ANKRD44: variants seen among roughly 807,000 people sequenced by gnomAD.
The protein encoded by ANKRD44 is ankyrin repeat domain 44.
Under a neutral mutation model 116.0 loss-of-function variants are expected in ANKRD44, and 35 were observed. The ratio of observed to expected loss-of-function variants is 0.30; its 90% CI spans 0.23 to 0.40. The LOEUF is 0.40. Ranked by LOEUF, ANKRD44 falls within the 10% of genes least tolerant of loss-of-function variation. The probability of loss-of-function intolerance (pLI) is 1.00; values close to 1 mark genes in which losing one functional copy is unlikely to be tolerated. For missense variants in ANKRD44, 1,014 were observed against 1,242.6 expected (o/e 0.82, Z 2.77); for synonymous variants, 435 against 461.8 (o/e 0.94, Z 0.74).
At chr2:197,120,339 C>T (rs1314079212) in intron 8 of ANKRD44, among the ~76,000 whole-genome samples, 1 of 152,138 alleles carries the variant, frequency 6.6e-6, no homozygotes, top group Non-Finnish European at 1.5e-5. Flanking sequence ...ACTGAAGCCA[C>T]TATCTGGGGT....
chr2:197,236,776 G>A (rs1300308569), intron 1 of ANKRD44, among the ~76,000 whole-genome samples: 2 of 151,728 alleles, frequency 1.3e-5, no homozygotes, highest in African/African-American at 2.4e-5. Flanking sequence ...AAATTTGACA[G>A]TAGCTACTGA....
intron 1 of ANKRD44, among the ~76,000 whole-genome samples, chr2:197,245,270 A>T (rs1399848841): frequency 1.3e-5 from 2 of 152,188 alleles, no homozygotes; most frequent in African/African-American, 2.4e-5. Flanking sequence ...AATAATAATA[A>T]TAATACAAAT....
chr2:197,101,389 C>T (rs1196687643), intron 9 of ANKRD44, among the ~76,000 whole-genome samples: 3 of 152,144 alleles, frequency 2.0e-5, no homozygotes, highest in South Asian at 2.1e-4. Context: ...GCGTGCTTCC[C>T]GCTCCATTTT....
At chr2:197,023,312 A>G (rs546017610) in intron 17 of ANKRD44, among the ~76,000 whole-genome samples, 114 of 152,328 alleles carry the variant, frequency 7.5e-4, no homozygotes, top group Middle Eastern at 3.4e-3. Context: ...CAATAAATTA[A>G]CAAGTTGGAA....
intron 21 of ANKRD44, among the ~76,000 whole-genome samples, chr2:197,005,112 A>C (rs781782095): frequency 6.6e-6 from 1 of 152,194 alleles, no homozygotes; most frequent in African/African-American, 2.4e-5. Flanking sequence ...ACAAAATTAC[A>C]TTAGAAAGTA....
chr2:197,227,565 A>C (rs1282305350), intron 1 of ANKRD44, among the ~76,000 whole-genome samples: 1 of 151,548 alleles, frequency 6.6e-6, no homozygotes, highest in Non-Finnish European at 1.5e-5. Flanking sequence ...ATTCTACTAA[A>C]CTATTTTAAA....
intron 25 of ANKRD44, among the ~76,000 whole-genome samples, chr2:196,997,814 A>C (rs1251818923): frequency 6.6e-6 from 1 of 151,922 alleles, no homozygotes; most frequent in Non-Finnish European, 1.5e-5. Context: ...ATTTGAAAAA[A>C]AAAATCACAT....
intron 4 of ANKRD44, among the ~76,000 whole-genome samples, chr2:197,131,848 G>T (rs2079104347): frequency 1.3e-5 from 2 of 152,156 alleles, no homozygotes; most frequent in African/African-American, 4.8e-5. Context: ...CCATAAACGT[G>T]CGTTAGACTT....
intron 17 of ANKRD44, chr2:197,015,615 T>C: frequency 1.8e-6 from 1 of 546,452 alleles, no homozygotes; most frequent in South Asian, 2.1e-5. Flanking sequence ...GAAACTTTGG[T>C]GGAAGAAGAG....
intron 2 of ANKRD44, among the ~76,000 whole-genome samples, chr2:197,152,276 C>T (rs1015215818): frequency 3.3e-5 from 5 of 152,328 alleles, no homozygotes; most frequent in Non-Finnish European, 1.5e-5. Flanking sequence ...TTATAACACC[C>T]ATGAATATAA....
intron 2 of ANKRD44, among the ~76,000 whole-genome samples, chr2:197,177,547 A>G (rs1218460523): frequency 6.6e-6 from 1 of 152,092 alleles, no homozygotes; most frequent in Non-Finnish European, 1.5e-5. Flanking sequence ...TTTATAGTAA[A>G]GCAATTTGGG....
At chr2:197,034,015 G>C (rs1203943681) in intron 16 of ANKRD44, among the ~76,000 whole-genome samples, 1 of 141,796 alleles carries the variant, frequency 7.1e-6, no homozygotes, top group African/African-American at 2.6e-5. Context: ...AGATACTCTA[G>C]TCTCATAAAT....
At chr2:197,125,018 G>A (rs1416918977) in intron 6 of ANKRD44, among the ~76,000 whole-genome samples, 1 of 152,140 alleles carries the variant, frequency 6.6e-6, no homozygotes, top group African/African-American at 2.4e-5. Context: ...AAGACGAATG[G>A]AATTTGTGTC....
chr2:197,147,706 C>A (rs2079540708), intron 2 of ANKRD44, among the ~76,000 whole-genome samples: 1 of 151,938 alleles, frequency 6.6e-6, no homozygotes, highest in Non-Finnish European at 1.5e-5. Flanking sequence ...ATGAAACTCA[C>A]ATTCAAGTGG....
chr2:197,219,232 G>A (rs993539838), intron 1 of ANKRD44, among the ~76,000 whole-genome samples: 7 of 151,868 alleles, frequency 4.6e-5, no homozygotes, highest in African/African-American at 1.5e-4. Context: ...ACCACATCCC[G>A]CTAATTTTTG....
At chr2:197,046,929 G>A (rs901381279) in intron 16 of ANKRD44, among the ~76,000 whole-genome samples, 1 of 151,978 alleles carries the variant, frequency 6.6e-6, no homozygotes, top group African/African-American at 2.4e-5. Context: ...GCCTTAAAAA[G>A]CATTTATAGC....
chr2:197,170,052 T>C (rs1317933117), intron 2 of ANKRD44, among the ~76,000 whole-genome samples: 1 of 151,958 alleles, frequency 6.6e-6, no homozygotes, highest in Non-Finnish European at 1.5e-5. Flanking sequence ...TAGCTGGGCA[T>C]GGTGGTGTGT....
chr2:197,166,903 TAAATC>T (rs2080113732), intron 2 of ANKRD44, among the ~76,000 whole-genome samples: 2 of 152,366 alleles, frequency 1.3e-5, no homozygotes, highest in South Asian at 4.1e-4. Flanking sequence ...CTTTTCAAGA[TAAATC>T]AAGTCAATTC....
intron 16 of ANKRD44, among the ~76,000 whole-genome samples, chr2:197,038,974 T>C (rs2124939687): frequency 6.6e-6 from 1 of 152,300 alleles, no homozygotes; most frequent in East Asian, 1.9e-4. Flanking sequence ...AGTGTTCCCA[T>C]ATTATTTTGG....
Sources: allele counts gnomAD v4.1 joint callset (sites outside exome capture counted in the v4.1 genomes callset), GRCh38; gene constraint gnomAD v4.1.1; transcripts MANE v1.5; gene names NCBI Gene and HGNC (gene_info 2026-07-23, HGNC 2026-07-21).